Variants in LRRC4C observed in about 807,000 individuals in gnomAD.
LRRC4C encodes the protein leucine-rich repeat-containing protein 4C.
Under a neutral mutation model 33.6 loss-of-function variants are expected in LRRC4C, and 5 were observed. That is an observed-to-expected ratio of 0.15 (90% CI 0.08 to 0.31). LRRC4C has a LOEUF of 0.31. Among genes scored for constraint, LRRC4C ranks in the 10% least tolerant of loss-of-function variants. The probability of loss-of-function intolerance (pLI) is 1.00; values close to 1 mark genes in which losing one functional copy is unlikely to be tolerated. For missense variants in LRRC4C, 560 were observed against 796.7 expected (o/e 0.70, Z 3.58); for synonymous variants, 329 against 302.0 (o/e 1.09, Z -0.93).
intron 1 of LRRC4C, among the ~76,000 whole-genome samples, chr11:41,034,928 T>G (rs995561225): frequency 1.3e-5 from 2 of 150,462 alleles, no homozygotes; most frequent in South Asian, 2.1e-4. Flanking sequence ...TTTGATTTTT[T>G]GGGGGTCGTT....
chr11:40,437,884 T>A (rs576650425), intron 3 of LRRC4C, among the ~76,000 whole-genome samples: 25 of 152,234 alleles, frequency 1.6e-4, no homozygotes, highest in Admixed American at 1.1e-3. Context: ...ATTTTTGTAT[T>A]TTTAGTAGAG....
chr11:40,990,394 C>A (rs938542025), intron 1 of LRRC4C, among the ~76,000 whole-genome samples: 2 of 151,390 alleles, frequency 1.3e-5, no homozygotes, highest in African/African-American at 4.9e-5. Context: ...TGCTTGGCCC[C>A]ATTTTATATA....
At chr11:40,803,705 C>A (rs1335468110) in intron 2 of LRRC4C, among the ~76,000 whole-genome samples, 5 of 152,080 alleles carry the variant, frequency 3.3e-5, no homozygotes, top group African/African-American at 1.2e-4. Context: ...GATCTCCTGA[C>A]CTCGTGGTCC....
At chr11:40,922,218 C>G (rs961634914) in intron 2 of LRRC4C, among the ~76,000 whole-genome samples, 6 of 152,042 alleles carry the variant, frequency 3.9e-5, no homozygotes, top group African/African-American at 1.4e-4. Context: ...CCACTCCGTA[C>G]AAGTTTTTAG....
chr11:41,200,025 G>T (rs1367822204), intron 1 of LRRC4C, among the ~76,000 whole-genome samples: 1 of 152,078 alleles, frequency 6.6e-6, no homozygotes, highest in Non-Finnish European at 1.5e-5. Flanking sequence ...TTTTATGAGA[G>T]ATTATGTAAA....
At chr11:40,466,818 T>C (rs1952675270) in intron 3 of LRRC4C, among the ~76,000 whole-genome samples, 1 of 152,104 alleles carries the variant, frequency 6.6e-6, no homozygotes, top group South Asian at 2.1e-4. Context: ...TTTTATTATG[T>C]ATCATACTTC....
At chr11:41,435,605 G>A (rs1039274298) in intron 1 of LRRC4C, among the ~76,000 whole-genome samples, 8 of 152,054 alleles carry the variant, frequency 5.3e-5, no homozygotes, top group Admixed American at 1.3e-4. Context: ...TATGTTCCTC[G>A]GAAACTTATG....
At chr11:40,168,918 G>A (rs545852706) in intron 5 of LRRC4C, among the ~76,000 whole-genome samples, 29 of 152,240 alleles carry the variant, frequency 1.9e-4, no homozygotes, top group East Asian at 9.7e-4. Flanking sequence ...AAAAGCCATC[G>A]CCTTCATGTT....
chr11:40,318,549 C>T (rs1260579758), intron 4 of LRRC4C, among the ~76,000 whole-genome samples: 4 of 152,062 alleles, frequency 2.6e-5, no homozygotes, highest in Non-Finnish European at 5.9e-5. Context: ...TTTCTTCAAG[C>T]TTATGATTCC....
intron 2 of LRRC4C, among the ~76,000 whole-genome samples, chr11:40,777,832 C>G (rs7931087): frequency 6.6e-6 from 1 of 151,822 alleles, no homozygotes; most frequent in Non-Finnish European, 1.5e-5. Context: ...GGACTACAGG[C>G]GCCCGCCACC....
intron 2 of LRRC4C, among the ~76,000 whole-genome samples, chr11:40,802,190 A>ACTC (rs1174214963): frequency 6.6e-6 from 1 of 152,102 alleles, no homozygotes; most frequent in African/African-American, 2.4e-5. Context: ...GAGGCATCAG[A>ACTC]CTCCTGCACA....
At chr11:40,365,963 T>C (rs1590464312) in intron 3 of LRRC4C, among the ~76,000 whole-genome samples, 2 of 152,212 alleles carry the variant, frequency 1.3e-5, no homozygotes, top group East Asian at 3.9e-4. Context: ...TCAACAAATA[T>C]TTATTGAATA....
At chr11:40,488,971 T>G (rs1281828357) in intron 3 of LRRC4C, among the ~76,000 whole-genome samples, 1 of 152,154 alleles carries the variant, frequency 6.6e-6, no homozygotes, top group Non-Finnish European at 1.5e-5. Flanking sequence ...TAAAAGGTTT[T>G]GGGCTCAGAC....
intron 3 of LRRC4C, among the ~76,000 whole-genome samples, chr11:40,480,338 T>C (rs1953483053): frequency 6.6e-6 from 1 of 150,878 alleles, no homozygotes; most frequent in African/African-American, 2.4e-5. Flanking sequence ...CTCCCATCTA[T>C]GAATTAAAAT....
At position 40,555,014 on chromosome 11, in the gene LRRC4C, C is replaced by T. The variant is rs147251224; in HGVS notation, c.-270+93128G>A. ...GGGATTACAGGCGTGAGCCACCGCG[C>T]CCGGCCAATGGGATTGCATTCTTGA... On this transcript the variant is annotated intron_variant, in intron 3 of 6. Transcript: ENST00000528697. 4.9e-5 allele frequency among the ~76,000 whole-genome samples: 7 copies of T among 143,168 alleles called. No individual in the cohort carries two copies. In the East Asian group the frequency reaches 1.4e-3, roughly 28 times the overall value. The allele number at this position is 143,168 out of a possible 152,430, so 93.9% of individuals were successfully genotyped here. A position where few individuals can be genotyped will look rare whatever the true frequency, so the allele number is the denominator to read the frequency against.
chr11:40,242,811 G>C (rs1315434617), intron 4 of LRRC4C, among the ~76,000 whole-genome samples: 3 of 151,804 alleles, frequency 2.0e-5, no homozygotes, highest in African/African-American at 7.3e-5. Context: ...GTTATCAGTA[G>C]CATCATTATT....
At chr11:41,325,148 AAG>A (rs1286920176) in intron 1 of LRRC4C, among the ~76,000 whole-genome samples, 4 of 152,312 alleles carry the variant, frequency 2.6e-5, no homozygotes, top group African/African-American at 9.6e-5. Flanking sequence ...TTTGCCTAAG[AAG>A]AGTGTTTTCC....
intron 2 of LRRC4C, among the ~76,000 whole-genome samples, chr11:40,813,468 T>C (rs768247369): frequency 3.0e-4 from 46 of 152,100 alleles, no homozygotes; most frequent in Non-Finnish European, 5.3e-4. Context: ...ATGATTCAAT[T>C]ATCTATACCT....
At chr11:40,461,028 T>C (rs1466124287) in intron 3 of LRRC4C, among the ~76,000 whole-genome samples, 2 of 152,164 alleles carry the variant, frequency 1.3e-5, no homozygotes, top group Admixed American at 1.3e-4. Context: ...TCCAAAATAG[T>C]ACTTCTGCAA....
Sources: gnomAD v4.1 joint callset for allele counts (sites outside exome capture counted in the v4.1 genomes callset) on GRCh38, gnomAD v4.1.1 for gene constraint, MANE v1.5 for transcripts, NCBI Gene and HGNC (gene_info 2026-07-23, HGNC 2026-07-21) for gene names.